The following FAM107A variants were observed in gnomAD, a reference collection of about 807,000 sequenced individuals.
FAM107A encodes actin-associated protein FAM107A.
A neutral mutation model predicts 13.7 loss-of-function variants in FAM107A; 19 were observed. The observed-to-expected ratio is 1.38, with a 90% CI of 0.97 to 2.03. The LOEUF (loss-of-function observed/expected upper bound fraction) is 2.03, where lower values mean the gene tolerates loss of function less well. Ranked by LOEUF, FAM107A falls within the 30% of genes most tolerant of loss-of-function variation. The pLI, the probability that FAM107A is intolerant of heterozygous loss-of-function variation, is 0.00. For missense variants in FAM107A, 203 were observed against 184.4 expected, an observed-to-expected ratio of 1.10 and a Z score of -0.58; for synonymous variants, 82 against 74.5, an observed-to-expected ratio of 1.10 and a Z score of -0.52.
At chr3:58,588,223 T>A (rs986497094), upstream of FAM107A, among the ~76,000 whole-genome samples, 3 of 152,240 alleles carry the variant, frequency 2.0e-5, no homozygotes, top group Non-Finnish European at 4.4e-5. Flanking sequence ...TCCAGGGTAC[T>A]GGATGGCCTC....
chr3:58,567,816 T>C (rs2063637996), intron 2 of FAM107A, among the ~76,000 whole-genome samples: 1 of 152,212 alleles, frequency 6.6e-6, no homozygotes, highest in South Asian at 2.1e-4. Flanking sequence ...CTTTTCATAT[T>C]TGAGAATCTG....
intron 1 of FAM107A, among the ~76,000 whole-genome samples, chr3:58,611,310 C>T (rs943078066): frequency 1.3e-5 from 2 of 152,242 alleles, no homozygotes; most frequent in African/African-American, 4.8e-5. Flanking sequence ...CCCCTTCACT[C>T]CCCACTCCCA....
chr3:58,580,231 T>C (rs549607055), upstream of FAM107A, among the ~76,000 whole-genome samples: 117 of 152,190 alleles, frequency 7.7e-4, no homozygotes, highest in African/African-American at 2.7e-3. Flanking sequence ...CTTTTTTTTT[T>C]CAAGATAAAA....
chr3:58,577,260 A>G lies in FAM107A; in HGVS notation c.-6+49T>C. On this transcript the variant is annotated intron_variant, in intron 1 of 3. Coordinates refer to ENST00000360997, the MANE Select transcript of FAM107A (RefSeq NM_001076778.3). The surrounding 1 kb of genome is among the most constrained non-coding windows in gnomAD (Gnocchi z 4.9). ...CCTCCTTCCCTTCCACCTCCTCCCG[A>G]ACGGCACCGCTCTCAACAGCAGATG... 1 of 941,712 alleles carries G rather than the reference A, an allele frequency of 1.1e-6. No individual in the cohort carries two copies. The highest frequency in any genetic ancestry group is 1.3e-6 in the Non-Finnish European group (1 of 790,070). The allele number at this position is 941,712 out of a possible 1,614,324, so 58.3% of individuals were successfully genotyped here.
intron 1 of FAM107A, chr3:58,573,635 A>G (rs1243009830): frequency 1.3e-5 from 2 of 152,772 alleles, no homozygotes; most frequent in African/African-American, 4.8e-5. Flanking sequence ...GAGCGGGCCA[A>G]TCACGAAGGA....
At chr3:58,622,840 T>C (rs1195295685) in intron 1 of FAM107A, among the ~76,000 whole-genome samples, 2 of 152,200 alleles carry the variant, frequency 1.3e-5, no homozygotes, top group Non-Finnish European at 2.9e-5. Context: ...ATTTCTCCTC[T>C]TGTCCTTGAG....
chr3:58,585,055 A>G (rs1457138754), intron 1 of FAM107A, among the ~76,000 whole-genome samples: 1 of 152,158 alleles, frequency 6.6e-6, no homozygotes, highest in Non-Finnish European at 1.5e-5. Flanking sequence ...GGAGCCAGGG[A>G]TATTAAGTGC....
Position 58,599,973 on chromosome 3 carries a change from G to A in FAM107A, c.-69-10704C>T, listed in dbSNP as rs190550357. 2.0e-5 allele frequency among the ~76,000 whole-genome samples: 3 copies of A among 152,062 alleles called. No homozygotes were observed. The East Asian group carries it at 5.8e-4, about 29-fold the overall frequency. On this transcript the variant is annotated intron_variant, in intron 1 of 3. Coordinates refer to the FAM107A transcript ENST00000465970. ...TTACAGACATGAGCCACCATGCCCA[G>A]CCCAGGTGCAGTATTAAATATGCGT... is the stretch of plus-strand genomic sequence containing the variant.
At chr3:58,621,054 G>A (rs892943427) in intron 1 of FAM107A, among the ~76,000 whole-genome samples, 8 of 152,150 alleles carry the variant, frequency 5.3e-5, no homozygotes, top group Admixed American at 5.2e-4. Context: ...GGGAGTGAAG[G>A]AGGTGGCGGC....
upstream of FAM107A, among the ~76,000 whole-genome samples, chr3:58,579,606 AT>A (rs1162748481): frequency 1.3e-5 from 2 of 152,116 alleles, no homozygotes; most frequent in South Asian, 2.1e-4. Flanking sequence ...GCAAAGAAGT[AT>A]TTTGAATATT....
chr3:58,623,732 G>C (rs1294883295), intron 1 of FAM107A, among the ~76,000 whole-genome samples: 1 of 152,198 alleles, frequency 6.6e-6, no homozygotes, highest in African/African-American at 2.4e-5. Context: ...CTTACTAGCT[G>C]GGTGACCCTG....
rs1008157582 is a variant in FAM107A, at chr3:58,569,238, C to T, written c.170+453G>A. Among the ~76,000 whole-genome samples the T allele has an allele frequency of 6.6e-6, 1 of 152,198 alleles. No homozygotes were observed. The highest frequency in any genetic ancestry group is 1.5e-5 in the Non-Finnish European group (1 of 68,022). On this transcript the variant is annotated intron_variant, in intron 2 of 3. Transcript: ENST00000360997. This position sits in a 1 kb window ranked among gnomAD's most constrained non-coding sequence, Gnocchi z 5.7. The stretch of plus-strand genomic sequence containing the variant: ...CTTCAGGTCATAGCTGAGGCAGCAC[C>T]GCTCCTGTGAAGTCATTTTAGACCC...
chr3:58,586,757 C>G (rs985212771), intron 1 of FAM107A: 2 of 1,227,662 alleles, frequency 1.6e-6, no homozygotes, highest in African/African-American at 1.6e-5. Context: ...AGCAACGAAG[C>G]AGAGGCGCCC....
chr3:58,588,114 T>C (rs530134036), upstream of FAM107A, among the ~76,000 whole-genome samples: 2 of 152,320 alleles, frequency 1.3e-5, no homozygotes, highest in South Asian at 4.1e-4. Flanking sequence ...GTGAGGTCGT[T>C]GAGACTTAGG....
exon 1 of FAM107A, chr3:58,586,959 A>C: frequency 6.6e-7 from 1 of 1,515,524 alleles, no homozygotes; most frequent in Non-Finnish European, 8.8e-7. Context: ...CCTACTGCAG[A>C]GCCAGCACTG....
At chr3:58,616,566 C>G (rs1559487524) in intron 1 of FAM107A, among the ~76,000 whole-genome samples, 1 of 146,866 alleles carries the variant, frequency 6.8e-6, no homozygotes, top group African/African-American at 2.5e-5. Flanking sequence ...CACACACACA[C>G]ACCACCACTA....
At chr3:58,585,647 A>G (rs1483353377) in intron 1 of FAM107A, among the ~76,000 whole-genome samples, 1 of 152,210 alleles carries the variant, frequency 6.6e-6, no homozygotes, top group Non-Finnish European at 1.5e-5. Flanking sequence ...TGCCCAAGGC[A>G]GAGGGTAGCT....
At chr3:58,611,623 G>A (rs2065854928) in intron 1 of FAM107A, among the ~76,000 whole-genome samples, 1 of 152,216 alleles carries the variant, frequency 6.6e-6, no homozygotes, top group African/African-American at 2.4e-5. Context: ...CACTGCACTG[G>A]GCAGTGACAC....
chr3:58,571,276 G>A (rs984648298), intron 1 of FAM107A, among the ~76,000 whole-genome samples: 1 of 152,182 alleles, frequency 6.6e-6, no homozygotes, highest in Admixed American at 6.5e-5. Flanking sequence ...CTGTTAGGAG[G>A]AGCAAGTAAG....
Sources: allele counts gnomAD v4.1 joint callset (sites outside exome capture counted in the v4.1 genomes callset), GRCh38; gene constraint gnomAD v4.1.1; non-coding constraint Gnocchi (gnomAD v3.1); transcripts MANE v1.5; gene names NCBI Gene and HGNC (gene_info 2026-07-23, HGNC 2026-07-21).